The following ASIC1 variants were observed in gnomAD, a reference collection of about 807,000 sequenced individuals.
ASIC1 encodes the protein acid sensing ion channel subunit 1, also known as acid-sensing ion channel 1.
A neutral mutation model predicts 63.4 loss-of-function variants in ASIC1; 21 were observed. The ratio of observed to expected loss-of-function variants is 0.33; its 90% CI spans 0.23 to 0.48. The LOEUF (loss-of-function observed/expected upper bound fraction) is 0.48. Among genes scored for constraint, ASIC1 ranks in the 20% least tolerant of loss-of-function variants. ASIC1 has a pLI of 0.99. For missense variants in ASIC1, 478 were observed against 695.5 expected, an observed-to-expected ratio of 0.69 and a Z score of 3.52; for synonymous variants, 258 against 278.2, an observed-to-expected ratio of 0.93 and a Z score of 0.72.
intron 3 of ASIC1, among the ~76,000 whole-genome samples, chr12:50,066,562 G>A (rs747736443): frequency 2.0e-5 from 3 of 152,146 alleles, no homozygotes; most frequent in Non-Finnish European, 2.9e-5. Context: ...TTTCCCCAGG[G>A]TCACACCAGG....
Position 50,081,631 on chromosome 12 carries a change from C to T in ASIC1, c.1569C>T (p.Phe523=), listed in dbSNP as rs779365156. Residue 523 remains phenylalanine (F), a synonymous_variant, in exon 12 of 12, where the codon TTC becomes TTT. Coordinates refer to ENST00000447966, the MANE Select transcript of ASIC1 (RefSeq NM_001095.4). ...ILPHHPARGT[F]EDFTC ...CTCACCATCCGGCCCGAGGCACGTT[C>T]GAGGACTTTACCTGCTGAGCCCCGC... is the stretch of plus-strand genomic sequence containing the variant. 19 of 1,613,890 alleles carry T rather than the reference C, an allele frequency of 1.2e-5. No individual in the cohort carries two copies. Among genetic ancestry groups the T allele is most frequent in the South Asian group, 2.2e-5 (2 of 91,076 alleles).
intron 3 of ASIC1, among the ~76,000 whole-genome samples, chr12:50,065,629 G>A (rs956071953): frequency 1.3e-5 from 2 of 152,228 alleles, no homozygotes; most frequent in Non-Finnish European, 2.9e-5. Context: ...GTTCCCTTAA[G>A]GAACTGTAAG....
chr12:50,064,776 T>G (rs959263516), intron 3 of ASIC1, among the ~76,000 whole-genome samples: 1 of 152,156 alleles, frequency 6.6e-6, no homozygotes, highest in African/African-American at 2.4e-5. Flanking sequence ...GGAAAGTAAT[T>G]TCAATTCTCT....
intron 3 of ASIC1, 99 bp downstream of exon 3, chr12:50,060,053 G>A: frequency 1.4e-6 from 2 of 1,407,380 alleles, no homozygotes; most frequent in Non-Finnish European, 1.9e-6. Context: ...GCTACTCTGG[G>A]AGAGGAAGTT....
chr12:50,082,662 C>T lies in ASIC1; in HGVS notation c.*1013C>T, dbSNP rs944401636. ...AACCATTCTCCCACCCCAAGTTCCA[C>T]CTTCTATGTTTCTACTCCCTCCCTG... On this transcript the variant is annotated 3_prime_UTR_variant, in exon 12 of 12. Coordinates refer to ENST00000447966, the MANE Select transcript of ASIC1 (RefSeq NM_001095.4). 2 of 152,828 alleles carry T rather than the reference C, an allele frequency of 1.3e-5. No homozygotes were observed. Among genetic ancestry groups the T allele is most frequent in the African/African-American group, 2.4e-5 (1 of 41,436 alleles). 9.5% of individuals were successfully genotyped at this position (152,828 alleles called of 1,614,324 possible). A position where few individuals can be genotyped will look rare whatever the true frequency, so the allele number is the denominator to read the frequency against.
chr12:50,070,396 G>C (rs537363260), intron 3 of ASIC1, among the ~76,000 whole-genome samples: 3 of 152,082 alleles, frequency 2.0e-5, no homozygotes, highest in East Asian at 3.9e-4. Flanking sequence ...TGGGGTGTGT[G>C]TGTGTTGGGG....
At position 50,078,240 on chromosome 12, in the gene ASIC1, G is replaced by T; in HGVS notation, c.837+113G>T. The T allele has an allele frequency of 3.9e-6, 6 of 1,527,276 alleles. No homozygotes were observed. Among genetic ancestry groups the T allele is most frequent in the Non-Finnish European group, 5.3e-6 (6 of 1,136,202 alleles). The allele number at this position is 1,527,276 out of a possible 1,614,324, so 94.6% of individuals were successfully genotyped here. A position where few individuals can be genotyped will look rare whatever the true frequency, so the allele number is the denominator to read the frequency against. ...TGAGCAAGGACCTGGGTGGTAATCTGGCTAGTCAGAAGCATGAGTGATCGA... is the reference window on the plus strand; with the variant it reads ...TGAGCAAGGACCTGGGTGGTAATCTTGCTAGTCAGAAGCATGAGTGATCGA... On this transcript the variant is annotated intron_variant, in intron 5 of 11. Coordinates refer to ENST00000447966, the MANE Select transcript of ASIC1 (RefSeq NM_001095.4). The surrounding 1 kb of genome is among the most constrained non-coding windows in gnomAD (Gnocchi z 6.0).
intron 10 of ASIC1, 28 bp downstream of exon 10, chr12:50,081,209 G>A (rs1220100257): frequency 1.9e-6 from 3 of 1,607,254 alleles, no homozygotes; most frequent in South Asian, 1.1e-5. Flanking sequence ...CCGGCACGGG[G>A]CCACGTGGGG....
At chr12:50,068,186 T>C (rs1453442981) in intron 3 of ASIC1, among the ~76,000 whole-genome samples, 1 of 152,190 alleles carries the variant, frequency 6.6e-6, no homozygotes, top group Non-Finnish European at 1.5e-5. Flanking sequence ...AGCCATGTTG[T>C]TGTGTGTGGA....
At chr12:50,073,255 A>G in intron 3 of ASIC1, among the ~76,000 whole-genome samples, 1 of 151,814 alleles carries the variant, frequency 6.6e-6, no homozygotes, top group Non-Finnish European at 1.5e-5. Flanking sequence ...TCTGTCCTAA[A>G]CCCTCTCTGT....
At chr12:50,066,895 A>G (rs1439318847) in intron 3 of ASIC1, among the ~76,000 whole-genome samples, 1 of 152,120 alleles carries the variant, frequency 6.6e-6, no homozygotes, top group Non-Finnish European at 1.5e-5. Flanking sequence ...TAAAGTCTCA[A>G]CCTAGAATTT....
chr12:50,069,908 G>A (rs1032106039), intron 3 of ASIC1, among the ~76,000 whole-genome samples: 1 of 152,134 alleles, frequency 6.6e-6, no homozygotes, highest in African/African-American at 2.4e-5. Flanking sequence ...CCCACTTCTT[G>A]CTCTCCCTAA....
intron 3 of ASIC1, among the ~76,000 whole-genome samples, chr12:50,060,225 T>C (rs1257659974): frequency 6.6e-6 from 1 of 152,216 alleles, no homozygotes; most frequent in African/African-American, 2.4e-5. Context: ...ACGTGCGTGG[T>C]CTGGCATAGC....
Position 50,078,888 on chromosome 12 carries a change from T to G in ASIC1, c.995-36T>G, listed in dbSNP as rs763069998. The G allele has an allele frequency of 1.1e-5, 17 of 1,605,160 alleles. No individual in the cohort carries two copies. Among genetic ancestry groups the G allele is most frequent in the Non-Finnish European group, 1.3e-5 (15 of 1,172,068 alleles). ...TACCACCATCACCAGACCCCTTGAA[T>G]TCCCATCCTGCATCATTGTCTTTTC... On this transcript the variant is annotated intron_variant, in intron 6 of 11. Coordinates refer to ENST00000447966, the MANE Select transcript of ASIC1 (RefSeq NM_001095.4). This position sits in a 1 kb window ranked among gnomAD's most constrained non-coding sequence, Gnocchi z 6.0.
intron 3 of ASIC1, among the ~76,000 whole-genome samples, chr12:50,076,107 G>T (rs576112326): frequency 6.6e-6 from 1 of 152,208 alleles, no homozygotes; most frequent in Admixed American, 6.5e-5. Context: ...CTACTTTCAG[G>T]TTCTGCTGAT....
intron 3 of ASIC1, chr12:50,073,451 C>T (rs1565729465): frequency 1.4e-6 from 2 of 1,419,498 alleles, no homozygotes; most frequent in Non-Finnish European, 9.2e-7. Flanking sequence ...GGACGGCCAG[C>T]TGGGCTGAGA....
At chr12:50,079,114 C>CTAA in intron 7 of ASIC1, 134 bp downstream of exon 7, 2 of 883,486 alleles carry the variant, frequency 2.3e-6, no homozygotes, top group Non-Finnish European at 3.5e-6. Flanking sequence ...TTGTGTCTGA[C>CTAA]ATTAAAGCTG....
In ASIC1 at chr12:50,081,616, G is replaced by C; in HGVS notation, c.1554G>C (p.Pro518=). The stretch of plus-strand genomic sequence containing the variant: ...CTGCCAACATCCTACCTCACCATCC[G>C]GCCCGAGGCACGTTCGAGGACTTTA... The part of the protein sequence containing the change: ...TYAANILPHH[P]ARGTFEDFTC Residue 518 remains proline (P), a synonymous_variant, in exon 12 of 12, where the codon CCG becomes CCC. Coordinates refer to ENST00000447966, the MANE Select transcript of ASIC1 (RefSeq NM_001095.4). 3 of 1,614,028 alleles carry C rather than the reference G, an allele frequency of 1.9e-6. No homozygotes were observed. Among genetic ancestry groups the C allele is most frequent in the Non-Finnish European group, 1.7e-6 (2 of 1,180,018 alleles).
rs1430484519 is a variant in ASIC1, at chr12:50,078,859, G to T, written c.995-65G>T. 6.4e-7 allele frequency: 1 copy of T among 1,556,130 alleles called. No homozygotes were observed. The highest frequency in any genetic ancestry group is 8.9e-7 in the Non-Finnish European group (1 of 1,127,624). On this transcript the variant is annotated intron_variant, in intron 6 of 11. Coordinates refer to ENST00000447966, the MANE Select transcript of ASIC1 (RefSeq NM_001095.4). The surrounding 1 kb of genome is among the most constrained non-coding windows in gnomAD (Gnocchi z 6.0). ...CCAGCTTACACCTTCTAGGCCTTTG[G>T]TACTACCACCATCACCAGACCCCTT...
Sources: gnomAD v4.1 joint callset for allele counts (sites outside exome capture counted in the v4.1 genomes callset) on GRCh38, gnomAD v4.1.1 for gene constraint, Gnocchi (gnomAD v3.1) non-coding constraint, MANE v1.5 for transcripts, NCBI Gene and HGNC (gene_info 2026-07-23, HGNC 2026-07-21) for gene names.